The following MCTP1 variants were observed in gnomAD, a reference collection of about 807,000 sequenced individuals.
The protein encoded by MCTP1 is multiple C2 and transmembrane domain-containing protein 1.
MCTP1 carries 69 observed loss-of-function variants against 120.6 expected under a neutral mutation model. The observed-to-expected ratio is 0.57, with a 90% CI of 0.47 to 0.70. The LOEUF (loss-of-function observed/expected upper bound fraction) is 0.70. Among genes scored for constraint, MCTP1 ranks in the 30% least tolerant of loss-of-function variants. The probability of loss-of-function intolerance (pLI) is 0.00; values close to 1 mark genes in which losing one functional copy is unlikely to be tolerated. For missense variants in MCTP1, 1,203 were observed against 1,248.8 expected (o/e 0.96, Z 0.55); for synonymous variants, 529 against 493.1 (o/e 1.07, Z -0.96).
chr5:95,140,630 G>A (rs1759827751), intron 1 of MCTP1, among the ~76,000 whole-genome samples: 2 of 148,866 alleles, frequency 1.3e-5, no homozygotes. Flanking sequence ...AGGCCGAGGC[G>A]GGTGGATCAC....
At chr5:94,791,475 A>G (rs1778948224) in intron 18 of MCTP1, among the ~76,000 whole-genome samples, 1 of 145,576 alleles carries the variant, frequency 6.9e-6, no homozygotes, top group Non-Finnish European at 1.5e-5. Context: ...AGCCTGGGTG[A>G]CAGAGGGAGA....
At chr5:94,985,704 A>G (rs1830308597) in intron 2 of MCTP1, among the ~76,000 whole-genome samples, 1 of 152,202 alleles carries the variant, frequency 6.6e-6, no homozygotes, top group Non-Finnish European at 1.5e-5. Flanking sequence ...AAAGTCTGAA[A>G]AGTAAAAATG....
chr5:95,044,728 T>G (rs1208303208), intron 1 of MCTP1, among the ~76,000 whole-genome samples: 1 of 151,786 alleles, frequency 6.6e-6, no homozygotes, highest in African/African-American at 2.4e-5. Flanking sequence ...CCCCTCAACC[T>G]TCTCATGAGA....
At chr5:95,090,856 T>C (rs1452055067) in intron 1 of MCTP1, among the ~76,000 whole-genome samples, 1 of 152,172 alleles carries the variant, frequency 6.6e-6, no homozygotes, top group African/African-American at 2.4e-5. Context: ...AGCTCTCACC[T>C]GTATATATTA....
intron 18 of MCTP1, chr5:94,791,892 A>C (rs776130995): frequency 6.6e-6 from 1 of 152,256 alleles, no homozygotes; most frequent in Non-Finnish European, 1.5e-5. Context: ...CACCTTTCTC[A>C]GGTGGGTCAT....
chr5:95,147,182 G>A (rs1317829851), intron 1 of MCTP1, among the ~76,000 whole-genome samples: 2 of 152,132 alleles, frequency 1.3e-5, no homozygotes, highest in African/African-American at 4.8e-5. Context: ...CGCCTCCTGG[G>A]TTCATGCCAT....
At chr5:95,080,546 C>T (rs1053096392) in intron 1 of MCTP1, among the ~76,000 whole-genome samples, 1 of 152,112 alleles carries the variant, frequency 6.6e-6, no homozygotes, top group African/African-American at 2.4e-5. Context: ...TTATAGCTCT[C>T]GAAATCAAAT....
intron 17 of MCTP1, among the ~76,000 whole-genome samples, chr5:94,848,346 A>C (rs529350372): frequency 6.6e-6 from 1 of 152,164 alleles, no homozygotes; most frequent in African/African-American, 2.4e-5. Context: ...CAAGTCACTC[A>C]AGTTACTTAT....
chr5:95,171,720 C>T (rs890178032), intron 1 of MCTP1, among the ~76,000 whole-genome samples: 15 of 151,638 alleles, frequency 9.9e-5, no homozygotes, highest in African/African-American at 3.6e-4. Flanking sequence ...GAAGCTTGTG[C>T]ATTCGTTGCG....
chr5:94,801,977 T>C (rs1353765782), intron 17 of MCTP1, among the ~76,000 whole-genome samples: 1 of 152,220 alleles, frequency 6.6e-6, no homozygotes, highest in Non-Finnish European at 1.5e-5. Context: ...CACTCAGAAC[T>C]GACACACACT....
chr5:94,865,097 GA>G (rs1225026840), intron 17 of MCTP1, among the ~76,000 whole-genome samples: 19 of 151,886 alleles, frequency 1.3e-4, no homozygotes, highest in African/African-American at 3.9e-4. Context: ...CACACGCCCA[GA>G]AACGTATCTG....
At chr5:95,063,310 A>C (rs932251449) in intron 1 of MCTP1, among the ~76,000 whole-genome samples, 1 of 152,184 alleles carries the variant, frequency 6.6e-6, no homozygotes, top group Non-Finnish European at 1.5e-5. Context: ...GGATCTTTTA[A>C]TTTTAATTTC....
intron 1 of MCTP1, among the ~76,000 whole-genome samples, chr5:95,106,014 C>A (rs980083913): frequency 6.6e-6 from 1 of 152,176 alleles, no homozygotes; most frequent in African/African-American, 2.4e-5. Context: ...GGAGGTTAAT[C>A]TTGTTTCAAA....
At chr5:95,253,592 A>G (rs1395471995) in intron 1 of MCTP1, among the ~76,000 whole-genome samples, 2 of 152,128 alleles carry the variant, frequency 1.3e-5, no homozygotes, top group African/African-American at 4.8e-5. Flanking sequence ...AAGAGTGACT[A>G]AAGAGAGACC....
intron 7 of MCTP1, among the ~76,000 whole-genome samples, chr5:94,921,463 G>C (rs1451823390): frequency 2.6e-5 from 4 of 152,152 alleles, no homozygotes; most frequent in African/African-American, 7.2e-5. Flanking sequence ...TATAAATCTT[G>C]ATAGGAATTT....
At chr5:94,959,690 T>C (rs1403147252) in intron 2 of MCTP1, among the ~76,000 whole-genome samples, 1 of 151,996 alleles carries the variant, frequency 6.6e-6, no homozygotes, top group East Asian at 1.9e-4. Flanking sequence ...GAGAATACAA[T>C]ACCTAGGAAT....
intron 2 of MCTP1, among the ~76,000 whole-genome samples, chr5:94,969,254 C>A (rs971353802): frequency 6.6e-6 from 1 of 152,028 alleles, no homozygotes; most frequent in African/African-American, 2.4e-5. Context: ...ATATTTAAAG[C>A]CTTTTATGTT....
At chr5:94,766,521 A>C (rs1772763835) in intron 19 of MCTP1, among the ~76,000 whole-genome samples, 1 of 150,288 alleles carries the variant, frequency 6.7e-6, no homozygotes, top group Non-Finnish European at 1.5e-5. Flanking sequence ...AGGGCCTGTC[A>C]TGGGGTTGGG....
At chr5:95,016,766 C>T (rs1306261664) in intron 2 of MCTP1, among the ~76,000 whole-genome samples, 1 of 152,042 alleles carries the variant, frequency 6.6e-6, no homozygotes, top group Non-Finnish European at 1.5e-5. Flanking sequence ...TTCAAGAAAT[C>T]CCTCATGTGG....
Sources: gnomAD v4.1 joint callset for allele counts (sites outside exome capture counted in the v4.1 genomes callset) on GRCh38, gnomAD v4.1.1 for gene constraint, MANE v1.5 for transcripts, NCBI Gene and HGNC (gene_info 2026-07-23, HGNC 2026-07-21) for gene names.